Variants in TMCO1 observed in about 807,000 individuals in gnomAD.
TMCO1 encodes the protein transmembrane and coiled-coil domains 1.
TMCO1 carries 29 observed loss-of-function variants against 29.3 expected under a neutral mutation model. The observed-to-expected ratio is 0.99, with a 90% confidence interval of 0.74 to 1.35. The LOEUF is 1.35. Ranked by LOEUF, TMCO1 falls within the 40% of genes most tolerant of loss-of-function variation. The probability of loss-of-function intolerance (pLI) is 0.00; values close to 1 mark genes in which losing one functional copy is unlikely to be tolerated. For missense variants in TMCO1, 173 were observed against 225.5 expected (o/e 0.77, Z 1.49); for synonymous variants, 80 against 77.1 (o/e 1.04, Z -0.20).
downstream of TMCO1, chr1:165,726,070 A>G: frequency 1.4e-6 from 1 of 694,802 alleles, no homozygotes; most frequent in Non-Finnish European, 2.6e-6. Context: ...CTCACTTTAA[A>G]AAGGTGATGG....
chr1:165,733,333 G>A (rs1204343054), intron 6 of TMCO1, among the ~76,000 whole-genome samples: 2 of 152,076 alleles, frequency 1.3e-5, no homozygotes, highest in African/African-American at 4.8e-5. Context: ...GCAAGATTTA[G>A]TTTAGAAATA....
At chr1:165,754,695 G>A (rs1652130165) in intron 3 of TMCO1, among the ~76,000 whole-genome samples, 1 of 151,990 alleles carries the variant, frequency 6.6e-6, no homozygotes, top group South Asian at 2.1e-4. Context: ...AAAATTATAA[G>A]CCAGTTGATA....
At chr1:165,766,972 G>T (rs571438605) in intron 2 of TMCO1, among the ~76,000 whole-genome samples, 6 of 152,250 alleles carry the variant, frequency 3.9e-5, no homozygotes, top group African/African-American at 1.4e-4. Context: ...GTTTGGCCCA[G>T]ATATGCTGAG....
Position 165,759,516 on chromosome 1 carries a change from T to A in TMCO1, c.208+9A>T. On this transcript the variant is annotated intron_variant, in intron 3 of 6. Coordinates refer to ENST00000367881, the MANE Select transcript of TMCO1 (RefSeq NM_019026.6). Reference sequence around the variant, plus strand: ...CCCAAATTTCATTTTGACTAATATCTCATCTTACCTATTTTCTTTTTCTGT... The same window carrying A: ...CCCAAATTTCATTTTGACTAATATCACATCTTACCTATTTTCTTTTTCTGT... 6.2e-7 allele frequency: 1 copy of A among 1,605,170 alleles called. No homozygotes were observed. Among genetic ancestry groups the A allele is most frequent in the Non-Finnish European group, 8.5e-7 (1 of 1,173,808 alleles).
chr1:165,739,941 T>C (rs919836191), intron 6 of TMCO1, among the ~76,000 whole-genome samples: 5 of 151,706 alleles, frequency 3.3e-5, no homozygotes, highest in Non-Finnish European at 7.4e-5. Context: ...CGAAACCCTG[T>C]CTCTACTAAA....
chr1:165,753,396 C>T (rs1652070157), intron 4 of TMCO1, among the ~76,000 whole-genome samples: 1 of 149,608 alleles, frequency 6.7e-6, no homozygotes, highest in Non-Finnish European at 1.5e-5. Context: ...GCGCACAAGC[C>T]CAGGTGGCAG....
chr1:165,726,925 AAGAAGTTTGC>A lies in TMCO1; in HGVS notation c.*1088_*1097del, dbSNP rs756603565. 7 of 454,110 alleles carry A rather than the reference AAGAAGTTTGC, an allele frequency of 1.5e-5. No individual in the cohort carries two copies. The highest frequency in any genetic ancestry group is 1.1e-4 in the South Asian group (7 of 64,474). The allele number at this position is 454,110 out of a possible 1,614,324, so 28.1% of individuals were successfully genotyped here. On this transcript the variant is annotated 3_prime_UTR_variant, in exon 7 of 7. Transcript: ENST00000367881. ...TCTGGACTTTATGGTGCTGATAAGA[AAGAAGTTTGC>A]TGTTGGTTTAACAATGATTACCTTG...
intron 3 of TMCO1, among the ~76,000 whole-genome samples, chr1:165,758,092 T>G (rs1652262655): frequency 6.6e-6 from 1 of 152,140 alleles, no homozygotes; most frequent in African/African-American, 2.4e-5. Flanking sequence ...CTGAAACCAT[T>G]TTTGCTAGAA....
rs573457799 is a variant in TMCO1, at chr1:165,759,465, T to A, written c.208+60A>T. ...TATTAATAATTTTATATTTTCATTA[T>A]CTAAGAATTAATTTTTTTAAGAAAA... On this transcript the variant is annotated intron_variant, in intron 3 of 6. Coordinates refer to ENST00000367881, the MANE Select transcript of TMCO1 (RefSeq NM_019026.6). The A allele has an allele frequency of 7.2e-5, 85 of 1,180,150 alleles. No homozygotes were observed. In the South Asian group the frequency reaches 9.0e-4, roughly 13 times the overall value. 73.1% of individuals were successfully genotyped at this position (1,180,150 alleles called of 1,614,324 possible). A position where few individuals can be genotyped will look rare whatever the true frequency, so the allele number is the denominator to read the frequency against.
chr1:165,726,320 G>A (rs188452924), downstream of TMCO1: 4 of 688,850 alleles, frequency 5.8e-6, no homozygotes, highest in South Asian at 6.0e-5. Flanking sequence ...AGCTCCTGCT[G>A]TGTTTCCACC....
intron 6 of TMCO1, among the ~76,000 whole-genome samples, chr1:165,741,838 C>G (rs1044085947): frequency 6.6e-6 from 1 of 152,176 alleles, no homozygotes; most frequent in Non-Finnish European, 1.5e-5. Context: ...ACCTCTCTCT[C>G]TTGTTCCTAC....
At chr1:165,726,357 A>G (rs1269060923), downstream of TMCO1, 1 of 676,302 alleles carries the variant, frequency 1.5e-6, no homozygotes, top group Non-Finnish European at 2.7e-6. Context: ...TAATAAGGAG[A>G]ACAAAAAAAA....
chr1:165,736,208 A>G (rs975389745), intron 6 of TMCO1, among the ~76,000 whole-genome samples: 3 of 152,256 alleles, frequency 2.0e-5, no homozygotes, highest in African/African-American at 7.2e-5. Context: ...AGCCTCTAGA[A>G]GAGTAAGAAA....
At chr1:165,725,010 CTCTCTCTCTCTCTCTATA>C (rs1197287506), downstream of TMCO1, 645 of 264,168 alleles carry the variant, frequency 2.4e-3, 10 homozygotes, top group African/African-American at 0.022. Flanking sequence ...CTCTCTCTCT[CTCTCTCTCTCTCTCTATA>C]TATATATATA....
chr1:165,726,843 A>G lies in TMCO1; in HGVS notation c.*1180T>C, dbSNP rs190014309. On this transcript the variant is annotated 3_prime_UTR_variant, in exon 7 of 7. Transcript: ENST00000367881. ...TATTTTGCCTCCAATATTGTACATA[A>G]AATTCTAAGTTGATACTTATTTTCC... 6.6e-6 allele frequency: 3 copies of G among 453,572 alleles called. No individual in the cohort carries two copies. In the East Asian group the frequency reaches 2.1e-4, roughly 32 times the overall value. 28.1% of individuals were successfully genotyped at this position (453,572 alleles called of 1,614,324 possible).
intron 6 of TMCO1, among the ~76,000 whole-genome samples, chr1:165,730,165 C>CAAAAAA (rs572104283): frequency 3.9e-5 from 4 of 103,152 alleles, no homozygotes; most frequent in African/African-American, 1.2e-4. Flanking sequence ...ACTAAAAATA[C>CAAAAAA]ACACACACAA....
rs145250510 is a variant in TMCO1 at position 165,732,591 on chromosome 1, T to C, written c.469-4470A>G. Among the ~76,000 whole-genome samples the C allele has an allele frequency of 7.1e-3, 1,085 of 151,834 alleles. 22 individuals carry two copies. Among genetic ancestry groups the C allele is most frequent in the South Asian group, 0.043 (208 of 4,796 alleles). On this transcript the variant is annotated intron_variant, in intron 6 of 6. Coordinates refer to ENST00000367881, the MANE Select transcript of TMCO1 (RefSeq NM_019026.6). ...AATGTACAATGCAAAGAATGGACCC[T>C]AACATAAACTATGGATTTGGGGGTA...
chr1:165,738,618 T>C (rs1434584959), intron 6 of TMCO1, among the ~76,000 whole-genome samples: 1 of 152,236 alleles, frequency 6.6e-6, no homozygotes, highest in East Asian at 1.9e-4. Flanking sequence ...TCAGACTGGA[T>C]ATATTAATAT....
At chr1:165,745,926 T>G (rs989081623) in intron 5 of TMCO1, among the ~76,000 whole-genome samples, 5 of 151,824 alleles carry the variant, frequency 3.3e-5, no homozygotes, top group Non-Finnish European at 4.4e-5. Context: ...AACAAGCAAA[T>G]AAAAAGCTAT....
Sources: gnomAD v4.1 joint callset for allele counts (sites outside exome capture counted in the v4.1 genomes callset) on GRCh38, gnomAD v4.1.1 for gene constraint, MANE v1.5 for transcripts, NCBI Gene and HGNC (gene_info 2026-07-23, HGNC 2026-07-21) for gene names.